The following DGKB variants were observed in gnomAD, a reference collection of about 807,000 sequenced individuals.
The protein encoded by DGKB is diacylglycerol kinase beta.
DGKB carries 67 observed loss-of-function variants against 114.3 expected under a neutral mutation model. The ratio of observed to expected loss-of-function variants is 0.59; its 90% CI spans 0.48 to 0.72. The LOEUF (loss-of-function observed/expected upper bound fraction) is 0.72. Among genes scored for constraint, DGKB ranks in the 30% least tolerant of loss-of-function variants. The pLI is 0.00. For missense variants in DGKB, 907 were observed against 975.2 expected, an observed-to-expected ratio of 0.93 and a Z score of 0.93; for synonymous variants, 398 against 323.1, an observed-to-expected ratio of 1.23 and a Z score of -2.49.
intron 21 of DGKB, among the ~76,000 whole-genome samples, chr7:14,416,259 A>T (rs1434788737): frequency 2.0e-5 from 3 of 152,018 alleles, no homozygotes; most frequent in African/African-American, 7.2e-5. Context: ...TTTGATGTCA[A>T]TATATTTAAG....
intron 5 of DGKB, among the ~76,000 whole-genome samples, chr7:14,724,801 T>C (rs1392829923): frequency 6.6e-6 from 1 of 152,142 alleles, no homozygotes; most frequent in Non-Finnish European, 1.5e-5. Context: ...TGAAGACAAA[T>C]CATCTCATTC....
At chr7:14,158,071 G>T (rs764459970) in intron 25 of DGKB, among the ~76,000 whole-genome samples, 14 of 152,154 alleles carry the variant, frequency 9.2e-5, no homozygotes, top group African/African-American at 3.4e-4. Context: ...AAGAATCTCA[G>T]TTTTGACCTT....
At chr7:14,877,657 G>A (rs1853520803) in intron 1 of DGKB, among the ~76,000 whole-genome samples, 1 of 152,158 alleles carries the variant, frequency 6.6e-6, no homozygotes, top group African/African-American at 2.4e-5. Context: ...TAAATAAATG[G>A]TTTATAACTT....
At chr7:14,671,737 C>A (rs538932230) in intron 13 of DGKB, among the ~76,000 whole-genome samples, 2 of 151,856 alleles carry the variant, frequency 1.3e-5, no homozygotes, top group South Asian at 2.1e-4. Context: ...AATCTGAGAT[C>A]AAAAATGCAT....
At chr7:14,953,343 C>T (rs760731013) in intron 1 of DGKB, among the ~76,000 whole-genome samples, 3 of 151,884 alleles carry the variant, frequency 2.0e-5, no homozygotes, top group Middle Eastern at 3.4e-3. Flanking sequence ...TGTAAAGAAC[C>T]CTTACAACTC....
At chr7:14,157,162 G>C (rs1165736665) in intron 25 of DGKB, among the ~76,000 whole-genome samples, 2 of 152,056 alleles carry the variant, frequency 1.3e-5, no homozygotes, top group Non-Finnish European at 1.5e-5. Context: ...TGTGAGTAGA[G>C]CTTAATTTAG....
At chr7:14,618,494 T>G (rs2128809365) in intron 15 of DGKB, among the ~76,000 whole-genome samples, 1 of 151,794 alleles carries the variant, frequency 6.6e-6, no homozygotes, top group Non-Finnish European at 1.5e-5. Context: ...ACAATTGTTC[T>G]GTTTTTCTCC....
At position 14,146,707 on chromosome 7, in the gene DGKB, G is replaced by A. The variant is rs756881183; in HGVS notation, c.*2424C>T. On this transcript the variant is annotated 3_prime_UTR_variant, in exon 26 of 26. Coordinates refer to ENST00000402815, the MANE Select transcript of DGKB (RefSeq NM_001350709.2). Reference sequence around the variant, plus strand: ...GTACATCAGTGTATTTAGAAAATGAGTTGAGAAAAGTCAAATTGGATTCCT... The same window carrying A: ...GTACATCAGTGTATTTAGAAAATGAATTGAGAAAAGTCAAATTGGATTCCT... The A allele has an allele frequency of 3.4e-4, 51 of 152,132 alleles. No individual in the cohort carries two copies. The highest frequency in any genetic ancestry group is 8.2e-4 in the African/African-American group (34 of 41,436). 9.4% of individuals were successfully genotyped at this position (152,132 alleles called of 1,614,324 possible).
At chr7:14,275,575 TA>T (rs1798877747) in intron 23 of DGKB, among the ~76,000 whole-genome samples, 1 of 152,212 alleles carries the variant, frequency 6.6e-6, no homozygotes, top group Non-Finnish European at 1.5e-5. Flanking sequence ...GTGGAACTTT[TA>T]ATAGCGCCAA....
At chr7:14,640,802 T>A (rs1245581413) in intron 13 of DGKB, among the ~76,000 whole-genome samples, 1 of 152,234 alleles carries the variant, frequency 6.6e-6, no homozygotes, top group African/African-American at 2.4e-5. Context: ...ATAAATACTT[T>A]CTGATCACCA....
intron 20 of DGKB, among the ~76,000 whole-genome samples, chr7:14,489,773 C>T (rs1784351204): frequency 6.6e-6 from 1 of 151,824 alleles, no homozygotes; most frequent in Non-Finnish European, 1.5e-5. Flanking sequence ...AGCAGTGGAG[C>T]CTGAAGTGGA....
At chr7:14,255,216 T>A (rs1234281140) in intron 23 of DGKB, among the ~76,000 whole-genome samples, 1 of 152,172 alleles carries the variant, frequency 6.6e-6, no homozygotes, top group African/African-American at 2.4e-5. Flanking sequence ...TGAAAGAAGA[T>A]GTAAACTTGA....
intron 21 of DGKB, among the ~76,000 whole-genome samples, chr7:14,352,812 A>G (rs1813724709): frequency 6.6e-6 from 1 of 151,974 alleles, no homozygotes; most frequent in Non-Finnish European, 1.5e-5. Context: ...AATCCCAGCT[A>G]CTCGGGAGGC....
intron 20 of DGKB, among the ~76,000 whole-genome samples, chr7:14,512,671 T>C (rs1788160416): frequency 6.6e-6 from 1 of 152,128 alleles, no homozygotes; most frequent in Non-Finnish European, 1.5e-5. Context: ...CAAATTATAA[T>C]TAAGGTGTAC....
chr7:14,863,863 G>A (rs975912577), intron 1 of DGKB, among the ~76,000 whole-genome samples: 6 of 152,050 alleles, frequency 3.9e-5, no homozygotes, highest in African/African-American at 1.2e-4. Context: ...ACTTTGGGAG[G>A]CCTAGGAGGG....
chr7:14,795,688 C>T (rs1841307707), intron 2 of DGKB, among the ~76,000 whole-genome samples: 1 of 152,118 alleles, frequency 6.6e-6, no homozygotes, highest in African/African-American at 2.4e-5. Context: ...CAAGGTAGAG[C>T]TGGTTACCTG....
At chr7:14,262,190 G>C (rs1047754880) in intron 23 of DGKB, among the ~76,000 whole-genome samples, 1 of 152,134 alleles carries the variant, frequency 6.6e-6, no homozygotes, top group Non-Finnish European at 1.5e-5. Context: ...AATGGTCTTG[G>C]GTAGAAAGAG....
chr7:14,669,370 C>T (rs1818572105), intron 13 of DGKB, among the ~76,000 whole-genome samples: 1 of 152,132 alleles, frequency 6.6e-6, no homozygotes, highest in South Asian at 2.1e-4. Context: ...CCTATACACT[C>T]AGGGCTAGCC....
chr7:14,657,890 A>G (rs1386144800), intron 13 of DGKB, among the ~76,000 whole-genome samples: 1 of 151,934 alleles, frequency 6.6e-6, no homozygotes, highest in Admixed American at 6.6e-5. Flanking sequence ...GAAAAAATCT[A>G]CAGAAAGTTT....
Sources: allele counts gnomAD v4.1 joint callset (sites outside exome capture counted in the v4.1 genomes callset), GRCh38; gene constraint gnomAD v4.1.1; transcripts MANE v1.5; gene names NCBI Gene and HGNC (gene_info 2026-07-23, HGNC 2026-07-21).